DAB1: variants seen among roughly 807,000 people sequenced by gnomAD.
The protein encoded by DAB1 is DAB adaptor protein 1, also known as disabled homolog 1.
A neutral mutation model predicts 64.6 loss-of-function variants in DAB1; 15 were observed. The observed-to-expected ratio is 0.23, with a 90% confidence interval of 0.16 to 0.36. The LOEUF (loss-of-function observed/expected upper bound fraction) is 0.36. Ranked by LOEUF, DAB1 falls within the 10% of genes least tolerant of loss-of-function variation. The pLI is 1.00. For synonymous variants in DAB1, 235 were observed against 251.9 expected, an observed-to-expected ratio of 0.93 and a Z score of 0.64; for missense variants, 596 against 706.7, an observed-to-expected ratio of 0.84 and a Z score of 1.78.
chr1:57,186,465 A>G (rs1663573595), intron 2 of DAB1, among the ~76,000 whole-genome samples: 1 of 152,200 alleles, frequency 6.6e-6, no homozygotes, highest in Non-Finnish European at 1.5e-5. Context: ...GGGCCAATGG[A>G]TCTTCATGTG....
At chr1:57,867,998 C>G (rs866528320) in intron 1 of DAB1, among the ~76,000 whole-genome samples, 1 of 152,148 alleles carries the variant, frequency 6.6e-6, no homozygotes, top group African/African-American at 2.4e-5. Context: ...CACAGTGATA[C>G]TCGCTAGCTA....
chr1:57,428,534 T>C (rs1246865496), upstream of DAB1, among the ~76,000 whole-genome samples: 2 of 152,330 alleles, frequency 1.3e-5, no homozygotes, highest in East Asian at 1.9e-4. Context: ...TGTAGACATA[T>C]ATACCACATT....
chr1:58,344,338 T>TG, intron 3 of DAB1, among the ~76,000 whole-genome samples: 1 of 152,188 alleles, frequency 6.6e-6, no homozygotes, highest in East Asian at 1.9e-4. Flanking sequence ...AGGAAATTAG[T>TG]GGTCCAGTGA....
At chr1:57,642,921 A>G (rs1176484587) in intron 7 of DAB1, among the ~76,000 whole-genome samples, 2 of 152,170 alleles carry the variant, frequency 1.3e-5, no homozygotes, top group Admixed American at 1.3e-4. Flanking sequence ...TCACACAAAT[A>G]TTACTTGAGC....
chr1:57,662,729 A>C (rs1022482241), intron 6 of DAB1, among the ~76,000 whole-genome samples: 1 of 152,224 alleles, frequency 6.6e-6, no homozygotes, highest in Non-Finnish European at 1.5e-5. Flanking sequence ...AGGCAAGGGA[A>C]TAGTGCGGGT....
intron 1 of DAB1, among the ~76,000 whole-genome samples, chr1:57,367,804 G>A (rs1222895423): frequency 6.6e-6 from 1 of 152,124 alleles, no homozygotes; most frequent in African/African-American, 2.4e-5. Flanking sequence ...GCAGACCCAG[G>A]CCTCCTGTTC....
At chr1:57,690,444 C>T (rs1438458063) in intron 6 of DAB1, among the ~76,000 whole-genome samples, 8 of 152,084 alleles carry the variant, frequency 5.3e-5, no homozygotes, top group Non-Finnish European at 1.2e-4. Flanking sequence ...ATAGCATCTC[C>T]CCCTTCTCTC....
chr1:57,920,071 G>C (rs1483858994), intron 5 of DAB1, among the ~76,000 whole-genome samples: 1 of 152,168 alleles, frequency 6.6e-6, no homozygotes, highest in African/African-American at 2.4e-5. Context: ...TGTAGTTAGA[G>C]GCAGGCAGTA....
chr1:57,039,697 T>C (rs1647481811), intron 9 of DAB1, among the ~76,000 whole-genome samples: 1 of 152,214 alleles, frequency 6.6e-6, no homozygotes, highest in South Asian at 2.1e-4. Flanking sequence ...CTCCATGTTT[T>C]GATGCTCAGT....
chr1:58,003,497 T>A (rs900598791), intron 5 of DAB1, among the ~76,000 whole-genome samples: 1 of 152,204 alleles, frequency 6.6e-6, no homozygotes, highest in Non-Finnish European at 1.5e-5. Context: ...TCTTCTGAAA[T>A]AGAATTCAAA....
chr1:58,370,626 G>T (rs567371226), intron 3 of DAB1, among the ~76,000 whole-genome samples: 1 of 152,106 alleles, frequency 6.6e-6, no homozygotes. Flanking sequence ...TTGGCTCTGT[G>T]TCCTCACCCA....
chr1:57,053,224 C>T (rs756329722), intron 9 of DAB1, among the ~76,000 whole-genome samples: 11 of 152,086 alleles, frequency 7.2e-5, no homozygotes, highest in South Asian at 6.2e-4. Context: ...CTTTCAATTT[C>T]GGAATCCATG....
chr1:57,755,847 A>T (rs1188062784), intron 6 of DAB1, among the ~76,000 whole-genome samples: 1 of 152,132 alleles, frequency 6.6e-6, no homozygotes, highest in Admixed American at 6.5e-5. Flanking sequence ...GGGTCCCGTT[A>T]ATTAGCCAGT....
intron 4 of DAB1, among the ~76,000 whole-genome samples, chr1:58,283,161 T>G (rs1661604307): frequency 6.7e-6 from 1 of 149,028 alleles, no homozygotes; most frequent in Non-Finnish European, 1.5e-5. Context: ...CGCTCTCCTC[T>G]CTTGTTCTCA....
chr1:57,382,308 C>T (rs1044943807), intron 1 of DAB1, among the ~76,000 whole-genome samples: 50 of 152,294 alleles, frequency 3.3e-4, no homozygotes, highest in African/African-American at 1.2e-3. Context: ...CTTCAATTTG[C>T]TTGAGTCAGT....
At chr1:57,421,580 C>G (rs903605775) in intron 1 of DAB1, among the ~76,000 whole-genome samples, 1 of 152,110 alleles carries the variant, frequency 6.6e-6, no homozygotes, top group African/African-American at 2.4e-5. Flanking sequence ...ATCCTCCCAG[C>G]GTTGCCAAAT....
intron 6 of DAB1, among the ~76,000 whole-genome samples, chr1:57,669,529 G>A (rs1646486228): frequency 6.6e-6 from 1 of 152,102 alleles, no homozygotes; most frequent in Admixed American, 6.6e-5. Flanking sequence ...ATTCTAATTG[G>A]CCTCGCAATG....
intron 1 of DAB1, among the ~76,000 whole-genome samples, chr1:57,291,547 C>CACCA (rs1672776947): frequency 6.6e-6 from 1 of 152,146 alleles, no homozygotes; most frequent in South Asian, 2.1e-4. Flanking sequence ...ATCAGCCAAG[C>CACCA]TTGATCAGCA....
chr1:57,732,466 G>C (rs561159851), intron 6 of DAB1, among the ~76,000 whole-genome samples: 3 of 152,122 alleles, frequency 2.0e-5, no homozygotes, highest in Non-Finnish European at 4.4e-5. Flanking sequence ...ACGATTCATC[G>C]GGTAAGTGGC....
Sources: allele counts gnomAD v4.1 joint callset (sites outside exome capture counted in the v4.1 genomes callset), GRCh38; gene constraint gnomAD v4.1.1; transcripts MANE v1.5; gene names NCBI Gene and HGNC (gene_info 2026-07-23, HGNC 2026-07-21).